TMEM178B: variants seen among roughly 807,000 people sequenced by gnomAD.
TMEM178B encodes transmembrane protein 178B.
A neutral mutation model predicts 31.0 loss-of-function variants in TMEM178B; 5 were observed. The ratio of observed to expected loss-of-function variants is 0.16; its 90% confidence interval spans 0.08 to 0.34. The LOEUF is 0.34. Ranked by LOEUF, TMEM178B falls within the 10% of genes least tolerant of loss-of-function variation. The pLI, the probability that TMEM178B is intolerant of heterozygous loss-of-function variation, is 1.00. For missense variants in TMEM178B, 275 were observed against 400.3 expected, an observed-to-expected ratio of 0.69 and a Z score of 2.67; for synonymous variants, 164 against 164.0, an observed-to-expected ratio of 1.00 and a Z score of 0.00.
intron 2 of TMEM178B, among the ~76,000 whole-genome samples, chr7:141,330,250 T>TG: frequency 6.6e-6 from 1 of 152,300 alleles, no homozygotes; most frequent in Non-Finnish European, 1.5e-5. Context: ...GCATAAGCTG[T>TG]TAATATTGAT....
chr7:141,174,494 G>A (rs891014817), intron 1 of TMEM178B, among the ~76,000 whole-genome samples: 4 of 152,130 alleles, frequency 2.6e-5, no homozygotes, highest in Non-Finnish European at 5.9e-5. Flanking sequence ...GGATTGCTGG[G>A]TCAAATGGTA....
chr7:141,268,563 A>C (rs967045822), intron 2 of TMEM178B, among the ~76,000 whole-genome samples: 2 of 152,262 alleles, frequency 1.3e-5, no homozygotes, highest in Non-Finnish European at 2.9e-5. Context: ...TACAATTTTG[A>C]CTGAAAAATT....
Position 141,197,829 on chromosome 7 carries a change from C to T in TMEM178B, c.383-14762C>T, listed in dbSNP as rs569586694. ...TGTGTTTTTAGTAGAGATGGGGTTTCACCATGATGGCCAAGCTGGTCTCGA... is the reference window on the plus strand; with the variant it reads ...TGTGTTTTTAGTAGAGATGGGGTTTTACCATGATGGCCAAGCTGGTCTCGA... On this transcript the variant is annotated intron_variant, in intron 1 of 3. Coordinates refer to ENST00000565468, the MANE Select transcript of TMEM178B (RefSeq NM_001195278.2). Among the ~76,000 whole-genome samples, 25 of 152,244 alleles carry T rather than the reference C, an allele frequency of 1.6e-4. No individual in the cohort carries two copies. The East Asian group carries it at 4.6e-3, about 28-fold the overall frequency.
At chr7:141,284,511 C>T (rs1798413495) in intron 2 of TMEM178B, among the ~76,000 whole-genome samples, 1 of 152,176 alleles carries the variant, frequency 6.6e-6, no homozygotes, top group African/African-American at 2.4e-5. Flanking sequence ...GTCTTGCAGA[C>T]TCCTAATTTA....
intron 1 of TMEM178B, among the ~76,000 whole-genome samples, chr7:141,144,904 A>G (rs1368614372): frequency 2.0e-5 from 3 of 152,136 alleles, no homozygotes; most frequent in Non-Finnish European, 4.4e-5. Flanking sequence ...AGGGTGGCTG[A>G]GGCTGCAGGG....
At chr7:141,096,624 T>C (rs1406489444) in intron 1 of TMEM178B, among the ~76,000 whole-genome samples, 1 of 152,204 alleles carries the variant, frequency 6.6e-6, no homozygotes, top group Non-Finnish European at 1.5e-5. Context: ...GCAGGGAAGC[T>C]CCATACCCCT....
intron 2 of TMEM178B, among the ~76,000 whole-genome samples, chr7:141,347,892 A>C (rs570882406): frequency 6.6e-6 from 1 of 152,356 alleles, no homozygotes; most frequent in South Asian, 2.1e-4. Context: ...AACTGGGACA[A>C]TCTTGCCTTA....
chr7:141,083,382 G>C (rs1341450371), intron 1 of TMEM178B, among the ~76,000 whole-genome samples: 1 of 151,738 alleles, frequency 6.6e-6, no homozygotes, highest in Non-Finnish European at 1.5e-5. Flanking sequence ...TGATGAGAAA[G>C]TTAGATTTAG....
chr7:141,215,925 T>C, intron 2 of TMEM178B, among the ~76,000 whole-genome samples: 1 of 138,100 alleles, frequency 7.2e-6, no homozygotes, highest in Non-Finnish European at 1.6e-5. Flanking sequence ...TTTTTTTTTT[T>C]GACAGAGTCT....
At chr7:141,377,143 C>A (rs193034926) in intron 2 of TMEM178B, among the ~76,000 whole-genome samples, 2 of 150,782 alleles carry the variant, frequency 1.3e-5, no homozygotes, top group East Asian at 3.9e-4. Flanking sequence ...TTCTGTAATC[C>A]ATGGGGGCTA....
chr7:141,367,960 G>C (rs577270829), intron 2 of TMEM178B, among the ~76,000 whole-genome samples: 1 of 152,274 alleles, frequency 6.6e-6, no homozygotes, highest in South Asian at 2.1e-4. Flanking sequence ...AGGCTGAAAG[G>C]CCCAAGACCC....
chr7:141,494,972 G>A, the TMEM178B span, among the ~76,000 whole-genome samples: 4 of 152,312 alleles, frequency 2.6e-5, no homozygotes, highest in South Asian at 6.2e-4. Context: ...GGTGGTGGGA[G>A]CACCATCACA....
intron 3 of TMEM178B, among the ~76,000 whole-genome samples, chr7:141,464,752 T>C (rs945815266): frequency 1.3e-5 from 2 of 152,108 alleles, no homozygotes; most frequent in African/African-American, 4.8e-5. Flanking sequence ...TCCTTCCCCA[T>C]CATCACAGTT....
At chr7:141,186,898 T>C (rs1796617780) in intron 1 of TMEM178B, among the ~76,000 whole-genome samples, 2 of 152,234 alleles carry the variant, frequency 1.3e-5, no homozygotes, top group Admixed American at 1.3e-4. Context: ...GCACAGAGCC[T>C]GTTTCTCCTA....
intron 1 of TMEM178B, among the ~76,000 whole-genome samples, chr7:141,076,454 T>C (rs751020106): frequency 6.6e-6 from 1 of 152,200 alleles, no homozygotes; most frequent in Non-Finnish European, 1.5e-5. Flanking sequence ...CCTTCTAGAA[T>C]AAGAGAGGTA....
intron 2 of TMEM178B, among the ~76,000 whole-genome samples, chr7:141,421,233 C>G (rs1165293862): frequency 1.3e-5 from 2 of 152,118 alleles, no homozygotes; most frequent in Non-Finnish European, 2.9e-5. Flanking sequence ...AATTAGAAAA[C>G]AGAATTTGCT....
chr7:141,089,325 G>A lies in TMEM178B; in HGVS notation c.382+14633G>A, dbSNP rs145804718. On this transcript the variant is annotated intron_variant, in intron 1 of 3. Transcript: ENST00000565468. The stretch of plus-strand genomic sequence containing the variant: ...CAGGCAGACTTGGAGGTAGGGGGCC[G>A]AGATGGGGAGGAGGCTTCCAGACAA... Among the ~76,000 whole-genome samples, 137 of 152,294 alleles carry A rather than the reference G, an allele frequency of 9.0e-4. 1 individual carries two copies. Among genetic ancestry groups the A allele is most frequent in the African/African-American group, 3.2e-3 (134 of 41,560 alleles).
At chr7:141,091,680 T>C (rs1375154124) in intron 1 of TMEM178B, among the ~76,000 whole-genome samples, 7 of 152,206 alleles carry the variant, frequency 4.6e-5, no homozygotes, top group Admixed American at 3.9e-4. Context: ...AGATCCTTAT[T>C]ATTTAGAAGA....
chr7:141,077,964 A>G (rs1388880097), intron 1 of TMEM178B, among the ~76,000 whole-genome samples: 1 of 152,218 alleles, frequency 6.6e-6, no homozygotes, highest in Non-Finnish European at 1.5e-5. Flanking sequence ...ACTTGTGGAC[A>G]TTATTTTTTA....
Sources: allele counts gnomAD v4.1 joint callset (sites outside exome capture counted in the v4.1 genomes callset), GRCh38; gene constraint gnomAD v4.1.1; transcripts MANE v1.5; gene names NCBI Gene and HGNC (gene_info 2026-07-23, HGNC 2026-07-21).